NPY5R: variants seen among roughly 807,000 people sequenced by gnomAD.
NPY5R encodes neuropeptide Y receptor type 5.
NPY5R carries 21 observed loss-of-function variants against 24.8 expected under a neutral mutation model. The observed-to-expected ratio is 0.85, with a 90% CI of 0.60 to 1.22. The LOEUF (loss-of-function observed/expected upper bound fraction) is 1.22, where lower values mean the gene tolerates loss of function less well. Among genes scored for constraint, NPY5R ranks in the 50% most tolerant of loss-of-function variants. The pLI is 0.00. For synonymous variants in NPY5R, 175 were observed against 183.0 expected, an observed-to-expected ratio of 0.96 and a Z score of 0.35; for missense variants, 481 against 521.3, an observed-to-expected ratio of 0.92 and a Z score of 0.75.
chr4:163,350,160 C>A, intron 3 of NPY5R, 105 bp from the exon 4 acceptor site: 2 of 663,552 alleles, frequency 3.0e-6, no homozygotes, highest in East Asian at 2.8e-5. Context: ...TTAATAAGGT[C>A]ACGGGAGCTG....
At chr4:163,345,842 T>C (rs865842400) in intron 2 of NPY5R, 89 bp downstream of exon 2, 5 of 152,142 alleles carry the variant, frequency 3.3e-5, no homozygotes, top group South Asian at 4.1e-4. Flanking sequence ...TTAAATCTTA[T>C]TGTACAAAAT....
In NPY5R at chr4:163,350,469, C is replaced by T. The variant is rs372200526; in HGVS notation, c.196C>T (p.Leu66Phe). 223 of 1,613,798 alleles carry T rather than the reference C, an allele frequency of 1.4e-4. No individual in the cohort carries two copies. Among genetic ancestry groups the T allele is most frequent in the Non-Finnish European group, 1.8e-4 (207 of 1,179,900 alleles). The change falls in exon 4 of 4, where the codon CTC (leucine) becomes TTC (phenylalanine). Residue 66 changes from leucine (L) to phenylalanine (F), a missense_variant. Leu to Phe is a conservative substitution (Grantham distance 22). Transcript: ENST00000338566. ...FMGNLLILMALMKKRNQKTTV... is the reference protein window; with the variant it reads ...FMGNLLILMAFMKKRNQKTTV... ...GGGGAATCTACTTATTTTAATGGCT[C>T]TCATGAAAAAGCGTAATCAGAAGAC...
At chr4:163,348,953 T>A (rs1413430447) in intron 3 of NPY5R, among the ~76,000 whole-genome samples, 1 of 152,134 alleles carries the variant, frequency 6.6e-6, no homozygotes, top group African/African-American at 2.4e-5. Context: ...TATACACAGT[T>A]TTTAAATTAA....
intron 3 of NPY5R, chr4:163,349,218 G>T: frequency 3.9e-6 from 1 of 256,942 alleles, no homozygotes; most frequent in Non-Finnish European, 6.1e-6. Context: ...TTTGAACATT[G>T]TACGAACTAG....
rs1735480275 is a variant in NPY5R at position 163,351,155 on chromosome 4, A to C, written c.882A>C (p.Ala294=). 1 of 1,614,000 alleles carries C rather than the reference A, an allele frequency of 6.2e-7. No individual in the cohort carries two copies. Among genetic ancestry groups the C allele is most frequent in the South Asian group, 1.1e-5 (1 of 91,080 alleles). The change falls in exon 4 of 4, where the codon GCA becomes GCC. Residue 294 remains alanine, a synonymous_variant. Coordinates refer to ENST00000338566, the MANE Select transcript of NPY5R (RefSeq NM_006174.4). The part of the protein sequence containing the change: ...KHRRRYSKKT[A]CVLPAPERPS... ...GAAGAAGATATAGCAAGAAGACAGC[A>C]TGTGTGTTACCTGCTCCAGAAAGAC...
chr4:163,349,284 T>C, intron 3 of NPY5R: 1 of 905,690 alleles, frequency 1.1e-6, no homozygotes, highest in African/African-American at 1.8e-5. Flanking sequence ...TAAACATTTA[T>C]TTAATACCTG....
intron 3 of NPY5R, among the ~76,000 whole-genome samples, chr4:163,347,801 A>T (rs1259254761): frequency 1.3e-5 from 2 of 152,198 alleles, no homozygotes; most frequent in Non-Finnish European, 2.9e-5. Flanking sequence ...TCATTGAGGC[A>T]ATATCAATGT....
Position 163,350,680 on chromosome 4 carries a change from C to A in NPY5R, c.407C>A (p.Ala136Asp), listed in dbSNP as rs1735456217. 4 of 1,613,744 alleles carry A rather than the reference C, an allele frequency of 2.5e-6. No individual in the cohort carries two copies. The highest frequency in any genetic ancestry group is 3.4e-6 in the Non-Finnish European group (4 of 1,179,782). The change falls in exon 4 of 4, where the codon GCC (alanine) becomes GAC (aspartate). Residue 136 changes from alanine (A) to aspartate (D), a missense_variant. Coordinates refer to ENST00000338566, the MANE Select transcript of NPY5R (RefSeq NM_006174.4). Reference protein sequence around the residue: ...LVSTLILISIAIVRYHMIKHP... With the variant: ...LVSTLILISIDIVRYHMIKHP... The stretch of plus-strand genomic sequence containing the variant: ...TCAACTTTAATTTTAATATCAATTG[C>A]CATTGTCAGGTATCATATGATAAAA...
rs767017396 is a variant in NPY5R, at chr4:163,351,469, C to A, written c.1196C>A (p.Ser399Ter). The A allele has an allele frequency of 1.9e-6, 3 of 1,613,812 alleles. No individual in the cohort carries two copies. The highest frequency in any genetic ancestry group is 2.5e-6 in the Non-Finnish European group (3 of 1,179,938). Residue 399 changes from serine (S) to a stop codon, truncating the protein, a stop_gained, in exon 4 of 4, where the codon TCA becomes TAA. Transcript: ENST00000338566. LOFTEE classifies it high-confidence loss of function. ...VVTDFNDNLISNRHFKLVYCI... is the reference protein window; with the variant it reads ...VVTDFNDNLI ...ACTGATTTTAATGACAATCTTATTTCAAATAGGCATTTCAAGTTGGTGTAT... is the reference window on the plus strand; with the variant it reads ...ACTGATTTTAATGACAATCTTATTTAAAATAGGCATTTCAAGTTGGTGTAT...
In NPY5R at chr4:163,350,974, T is replaced by A; in HGVS notation, c.701T>A (p.Val234Asp). 6.2e-7 allele frequency: 1 copy of A among 1,613,984 alleles called. No individual in the cohort carries two copies. The highest frequency in any genetic ancestry group is 8.5e-7 in the Non-Finnish European group (1 of 1,180,016). The change falls in exon 4 of 4, where the codon GTC becomes GAC. Residue 234 changes from valine (V) to aspartate (D), a missense_variant. Coordinates refer to ENST00000338566, the MANE Select transcript of NPY5R (RefSeq NM_006174.4). ...TGTCTTACTGTAAGTCATACAAGTG[T>A]CTGCAGAAGTATAAGCTGTGGATTG... ...LVCLTVSHTS[V>D]CRSISCGLSN...
Position 163,351,040 on chromosome 4 carries a change from A to G in NPY5R, c.767A>G (p.Asn256Ser). The change falls in exon 4 of 4, where the codon AAC becomes AGC. Residue 256 changes from asparagine (N) to serine (S), a missense_variant. Asn to Ser is a conservative substitution (Grantham distance 46). Coordinates refer to ENST00000338566, the MANE Select transcript of NPY5R (RefSeq NM_006174.4). ...ENRLEENEMI[N>S]LTLHPSKKSG... The stretch of plus-strand genomic sequence containing the variant: ...AGACTTGAAGAAAATGAGATGATCA[A>G]CTTAACTCTTCATCCATCCAAAAAG... The G allele has an allele frequency of 6.2e-7, 1 of 1,614,142 alleles. No homozygotes were observed. The highest frequency in any genetic ancestry group is 8.5e-7 in the Non-Finnish European group (1 of 1,179,982).
rs1735498021 is a variant in NPY5R at position 163,351,506 on chromosome 4, T to C, written c.1233T>C (p.His411=). Residue 411 remains histidine (H), a synonymous_variant, in exon 4 of 4, where the codon CAT becomes CAC. Transcript: ENST00000338566. ...TCAAGTTGGTGTATTGCATTTGTCA[T>C]TTGTTGGGCATGATGTCCTGTTGTC... is the stretch of plus-strand genomic sequence containing the variant. ...RHFKLVYCIC[H]LLGMMSCCLN... 2.5e-6 allele frequency: 4 copies of C among 1,613,702 alleles called. No individual in the cohort carries two copies. Among genetic ancestry groups the C allele is most frequent in the Non-Finnish European group, 2.5e-6 (3 of 1,179,640 alleles).
chr4:163,344,758 G>A (rs1735145554), intron 1 of NPY5R: 1 of 152,262 alleles, frequency 6.6e-6, no homozygotes, highest in African/African-American at 2.4e-5. Flanking sequence ...TTGGACCAAA[G>A]CCAAAACGAT....
chr4:163,345,160 T>G (rs1041342281), intron 1 of NPY5R: 1 of 152,216 alleles, frequency 6.6e-6, no homozygotes, highest in South Asian at 2.1e-4. Context: ...AAAAAATTAT[T>G]CAAACAAAGA....
In NPY5R at chr4:163,351,843, C is replaced by T. The variant is rs1388972129; in HGVS notation, c.*232C>T. On this transcript the variant is annotated 3_prime_UTR_variant, in exon 4 of 4. Coordinates refer to ENST00000338566, the MANE Select transcript of NPY5R (RefSeq NM_006174.4). ...AGTGTCAATCCAATCTGTAATTTCA[C>T]TTTAGAAGGTTGTATTACCTTCCAC... The T allele has an allele frequency of 3.1e-6, 1 of 324,626 alleles. No homozygotes were observed. The highest frequency in any genetic ancestry group is 5.9e-6 in the Non-Finnish European group (1 of 170,938). 20.1% of individuals were successfully genotyped at this position (324,626 alleles called of 1,614,324 possible).
At chr4:163,352,139 A>G (rs1199007686), downstream of NPY5R, among the ~76,000 whole-genome samples, 1 of 152,170 alleles carries the variant, frequency 6.6e-6, no homozygotes, top group African/African-American at 2.4e-5. Flanking sequence ...TTATGATTAT[A>G]ATCTTCAACA....
At chr4:163,349,118 C>A (rs868662094) in intron 3 of NPY5R, among the ~76,000 whole-genome samples, 1 of 152,124 alleles carries the variant, frequency 6.6e-6, no homozygotes, top group Non-Finnish European at 1.5e-5. Context: ...TCCACACAGT[C>A]AACAGTAGAG....
chr4:163,345,084 A>G (rs1735172584), intron 1 of NPY5R: 1 of 152,252 alleles, frequency 6.6e-6, no homozygotes, highest in South Asian at 2.1e-4. Context: ...AAAGAATTAC[A>G]TATATTTTAT....
At chr4:163,349,809 G>A (rs910006129) in intron 3 of NPY5R, among the ~76,000 whole-genome samples, 2 of 152,106 alleles carry the variant, frequency 1.3e-5, no homozygotes, top group African/African-American at 4.8e-5. Flanking sequence ...CCCTTGGAAC[G>A]AGTTAAAGGT....
Sources: gnomAD v4.1 joint callset for allele counts (sites outside exome capture counted in the v4.1 genomes callset) on GRCh38, gnomAD v4.1.1 for gene constraint, MANE v1.5 for transcripts, NCBI Gene and HGNC (gene_info 2026-07-23, HGNC 2026-07-21) for gene names.